FAAH2: variants seen among roughly 807,000 people sequenced by gnomAD.
FAAH2 encodes fatty acid amide hydrolase 2.
FAAH2 carries 60 observed loss-of-function variants against 36.9 expected under a neutral mutation model. The ratio of observed to expected loss-of-function variants is 1.63; its 90% CI spans 1.32 to 2.02. FAAH2 has a LOEUF of 2.02. Among genes scored for constraint, FAAH2 ranks in the 30% most tolerant of loss-of-function variants. The pLI is 0.00. For missense variants in FAAH2, 689 were observed against 397.5 expected, an observed-to-expected ratio of 1.73 and a Z score of -6.23; for synonymous variants, 214 against 143.8, an observed-to-expected ratio of 1.49 and a Z score of -3.49.
At chrX:57,241,645 A>G in the FAAH2 span, among the ~76,000 whole-genome samples, 3 of 111,680 alleles carry the variant, frequency 2.7e-5, no homozygotes, top group Non-Finnish European at 5.6e-5. Context: ...CACCATCACT[A>G]AAGCAGTATA....
chrX:57,381,151 C>A (rs779269404), intron 7 of FAAH2, 122 bp downstream of exon 7: 5 of 460,549 alleles, frequency 1.1e-5, no homozygotes, highest in African/African-American at 1.0e-4. Context: ...GTTTTCAGAA[C>A]AGTTATACTA....
chrX:57,395,399 G>A, intron 7 of FAAH2: 1 of 717,975 alleles, frequency 1.4e-6, no homozygotes, highest in South Asian at 2.1e-5. Flanking sequence ...CAGGATTTCT[G>A]CTGGTGCCAT....
At chrX:57,470,579 A>G (rs1408869239) in intron 10 of FAAH2, among the ~76,000 whole-genome samples, 1 of 111,409 alleles carries the variant, frequency 9.0e-6, no homozygotes, top group Non-Finnish European at 1.9e-5. Flanking sequence ...GACCAAAAAC[A>G]GGCTCTGAAA....
At chrX:57,451,256 C>T (rs757846686) in intron 10 of FAAH2, among the ~76,000 whole-genome samples, 1 of 111,828 alleles carries the variant, frequency 8.9e-6, no homozygotes, top group African/African-American at 3.2e-5. Flanking sequence ...GTCTGTCTGA[C>T]TCCAAATCCT....
chrX:57,277,119 C>CA, the FAAH2 span, among the ~76,000 whole-genome samples: 8,471 of 110,563 alleles, frequency 0.077, 856 homozygotes, highest in African/African-American at 0.27. Flanking sequence ...AGAGACACAA[C>CA]AAAAAAAGAG....
intron 8 of FAAH2, among the ~76,000 whole-genome samples, chrX:57,433,070 C>G (rs988628314): frequency 3.6e-5 from 4 of 110,427 alleles, no homozygotes; most frequent in African/African-American, 1.3e-4. Flanking sequence ...TACAAATTCA[C>G]AAGGGGAGGA....
chrX:57,391,189 G>T (rs888201885), intron 7 of FAAH2, among the ~76,000 whole-genome samples: 1 of 110,105 alleles, frequency 9.1e-6, no homozygotes, highest in African/African-American at 3.3e-5. Context: ...TTGTTGATTT[G>T]TTTTGGTTTC....
the FAAH2 span, among the ~76,000 whole-genome samples, chrX:57,140,576 G>A: frequency 1.1e-4 from 10 of 94,487 alleles, no homozygotes; most frequent in Non-Finnish European, 1.6e-4. Flanking sequence ...TCCAGCCTGG[G>A]CAACAGAGCG....
intron 1 of FAAH2, among the ~76,000 whole-genome samples, chrX:57,288,334 A>ATTTTTTTT (rs1393972572): frequency 6.5e-5 from 4 of 61,175 alleles, no homozygotes; most frequent in African/African-American, 3.2e-4. Flanking sequence ...TCTTAAAAAC[A>ATTTTTTTT]TTTCTTTTTT....
chrX:57,365,538 G>A (rs959990515), intron 5 of FAAH2, among the ~76,000 whole-genome samples: 3 of 111,491 alleles, frequency 2.7e-5, no homozygotes, highest in African/African-American at 9.8e-5. Flanking sequence ...TGTGCTTTTG[G>A]CATGGTTGTC....
At chrX:57,218,698 G>T in the FAAH2 span, among the ~76,000 whole-genome samples, 2 of 111,226 alleles carry the variant, frequency 1.8e-5, no homozygotes, top group African/African-American at 3.3e-5. Context: ...TGGTATTAGG[G>T]TGATGCTGGC....
chrX:57,256,466 C>A, the FAAH2 span, among the ~76,000 whole-genome samples: 2 of 111,660 alleles, frequency 1.8e-5, no homozygotes. Flanking sequence ...ATAGCCAAGA[C>A]AATCTTGGGC....
At chrX:57,320,590 T>C (rs1248245927) in intron 3 of FAAH2, among the ~76,000 whole-genome samples, 2 of 112,385 alleles carry the variant, frequency 1.8e-5, no homozygotes, top group East Asian at 5.6e-4. Flanking sequence ...ATTAGTTCAA[T>C]CATTGTTGAA....
intron 7 of FAAH2, among the ~76,000 whole-genome samples, chrX:57,385,797 A>C (rs999137114): frequency 1.8e-5 from 2 of 109,943 alleles, no homozygotes; most frequent in African/African-American, 6.6e-5. Context: ...AGTCCCAGCT[A>C]CTCGGGAGGC....
chrX:57,201,954 G>A, the FAAH2 span, among the ~76,000 whole-genome samples: 1 of 111,272 alleles, frequency 9.0e-6, no homozygotes, highest in Non-Finnish European at 1.9e-5. Flanking sequence ...TTTGATGATT[G>A]CATTTTTCAC....
At chrX:57,162,000 G>A in the FAAH2 span, among the ~76,000 whole-genome samples, 8 of 111,814 alleles carry the variant, frequency 7.2e-5, no homozygotes, top group South Asian at 7.5e-4. Flanking sequence ...GGCTGGTACC[G>A]GTTGTTCCTT....
At chrX:57,386,537 C>A (rs1465760597) in intron 7 of FAAH2, among the ~76,000 whole-genome samples, 6 of 111,305 alleles carry the variant, frequency 5.4e-5, no homozygotes, top group Non-Finnish European at 7.5e-5. Flanking sequence ...TTACATTGAA[C>A]TTTTAGTCCA....
At chrX:57,392,669 T>C (rs1406581043) in intron 7 of FAAH2, 16 of 653,418 alleles carry the variant, frequency 2.4e-5, no homozygotes, top group Non-Finnish European at 4.1e-5. Flanking sequence ...ACCTGTTCTG[T>C]TTCAGGGTCC....
chrX:57,295,228 G>A (rs2052100374), intron 2 of FAAH2, among the ~76,000 whole-genome samples: 1 of 112,074 alleles, frequency 8.9e-6, no homozygotes, highest in African/African-American at 3.2e-5. Context: ...GGTGTGTGAT[G>A]AGACTAGTTC....
Sources: gnomAD v4.1 joint callset for allele counts (sites outside exome capture counted in the v4.1 genomes callset) on GRCh38, gnomAD v4.1.1 for gene constraint, MANE v1.5 for transcripts, NCBI Gene and HGNC (gene_info 2026-07-23, HGNC 2026-07-21) for gene names.